Variants in TNIK observed in about 807,000 individuals in gnomAD.
TNIK encodes the protein TRAF2 and NCK interacting kinase.
A neutral mutation model predicts 191.3 loss-of-function variants in TNIK; 49 were observed. The ratio of observed to expected loss-of-function variants is 0.26; its 90% CI spans 0.20 to 0.32. TNIK has a LOEUF of 0.32. TNIK is among the 10% of genes least tolerant of loss of function. The probability of loss-of-function intolerance (pLI) is 1.00; values close to 1 mark genes in which losing one functional copy is unlikely to be tolerated. For synonymous variants in TNIK, 594 were observed against 600.9 expected (o/e 0.99, Z 0.17); for missense variants, 1,155 against 1,702.3 (o/e 0.68, Z 5.66).
At chr3:171,250,377 A>G (rs1284593981) in intron 2 of TNIK, among the ~76,000 whole-genome samples, 1 of 152,222 alleles carries the variant, frequency 6.6e-6, no homozygotes, top group Non-Finnish European at 1.5e-5. Context: ...TAAAAATTCC[A>G]AGATGTAACC....
intron 29 of TNIK, among the ~76,000 whole-genome samples, chr3:171,070,341 G>A (rs1719020943): frequency 6.6e-6 from 1 of 152,118 alleles, no homozygotes; most frequent in Admixed American, 6.5e-5. Context: ...TGCCCTTCAT[G>A]AGAATGTGGC....
chr3:171,173,395 C>CA (rs57114753), intron 9 of TNIK, among the ~76,000 whole-genome samples: 4,432 of 120,592 alleles, frequency 0.037, 133 homozygotes, highest in African/African-American at 0.095. Flanking sequence ...GACTCCGTCT[C>CA]AAAAAAAAAA....
At chr3:171,386,428 T>C (rs903468243) in intron 1 of TNIK, among the ~76,000 whole-genome samples, 4 of 152,122 alleles carry the variant, frequency 2.6e-5, no homozygotes, top group Non-Finnish European at 5.9e-5. Context: ...AGTTTAAAAA[T>C]AAAACACAAA....
chr3:171,206,978 C>A (rs1205967517), intron 4 of TNIK, among the ~76,000 whole-genome samples: 1 of 152,072 alleles, frequency 6.6e-6, no homozygotes, highest in African/African-American at 2.4e-5. Flanking sequence ...AATAGCTGTT[C>A]TAGCTCAGGT....
At chr3:171,313,239 G>GCTTGCTTTCTTTCTTTCTTTCTTT (rs1754244392) in intron 2 of TNIK, among the ~76,000 whole-genome samples, 1 of 150,276 alleles carries the variant, frequency 6.7e-6, no homozygotes, top group African/African-American at 2.5e-5. Context: ...CCAACATTTA[G>GCTTGCTTTCTTTCTTTCTTTCTTT]CTTTCTTTCT....
chr3:171,403,629 A>G lies in TNIK; in HGVS notation c.58-33944T>C, dbSNP rs535153023. 5.1e-3 allele frequency among the ~76,000 whole-genome samples: 761 copies of G among 149,974 alleles called. 8 individuals carry two copies. The highest frequency in any genetic ancestry group is 0.016 in the African/African-American group (649 of 40,384). The stretch of plus-strand genomic sequence containing the variant: ...TCCGTATCAAAAAAAAAAAAAAAAA[A>G]AAAAGAAAAGAAAAGGGGGTGAATA... On this transcript the variant is annotated intron_variant, in intron 1 of 32. Coordinates refer to ENST00000436636, the MANE Select transcript of TNIK (RefSeq NM_015028.4).
intron 1 of TNIK, among the ~76,000 whole-genome samples, chr3:171,387,848 G>C (rs1448193735): frequency 6.6e-6 from 1 of 152,108 alleles, no homozygotes; most frequent in East Asian, 1.9e-4. Flanking sequence ...GTATCTTACA[G>C]GTGGGGATAG....
intron 29 of TNIK, among the ~76,000 whole-genome samples, chr3:171,070,927 T>C (rs965294211): frequency 6.6e-6 from 1 of 152,202 alleles, no homozygotes; most frequent in African/African-American, 2.4e-5. Context: ...ATAACAAATG[T>C]CATTGCATAA....
At chr3:171,241,102 C>A (rs1744927472) in intron 2 of TNIK, among the ~76,000 whole-genome samples, 2 of 151,406 alleles carry the variant, frequency 1.3e-5, no homozygotes, top group South Asian at 4.2e-4. Context: ...ACGATCTTGG[C>A]TCACCGCAAC....
chr3:171,328,813 T>G (rs1756098897), intron 2 of TNIK, among the ~76,000 whole-genome samples: 2 of 151,782 alleles, frequency 1.3e-5, no homozygotes, highest in African/African-American at 4.8e-5. Context: ...TCTAAGGGAG[T>G]CTCTCTGCCC....
At chr3:171,310,945 G>C (rs1236091764) in intron 2 of TNIK, among the ~76,000 whole-genome samples, 2 of 152,122 alleles carry the variant, frequency 1.3e-5, no homozygotes, top group Non-Finnish European at 1.5e-5. Flanking sequence ...GTGCTTCCCA[G>C]TTAATTCAGA....
intron 2 of TNIK, among the ~76,000 whole-genome samples, chr3:171,230,960 C>T (rs900204918): frequency 4.0e-5 from 6 of 150,674 alleles, no homozygotes; most frequent in African/African-American, 1.5e-4. Context: ...CTCTGCCTCC[C>T]GACTCCCCTC....
intron 2 of TNIK, among the ~76,000 whole-genome samples, chr3:171,340,709 T>C (rs1757424888): frequency 1.3e-5 from 2 of 152,212 alleles, no homozygotes; most frequent in South Asian, 4.1e-4. Context: ...CACAAATGCC[T>C]ATGGAGCAAG....
chr3:171,102,510 G>A (rs1180046877), intron 21 of TNIK, among the ~76,000 whole-genome samples: 2 of 152,114 alleles, frequency 1.3e-5, no homozygotes, highest in Non-Finnish European at 2.9e-5. Flanking sequence ...CATGCTTTCA[G>A]AGTAATGCAG....
intron 2 of TNIK, among the ~76,000 whole-genome samples, chr3:171,327,900 T>TAAAAAAAAAAAAAAAAAAAAA (rs71634497): frequency 8.8e-5 from 7 of 79,628 alleles, no homozygotes; most frequent in Non-Finnish European, 1.5e-4. Context: ...ACCTGGCTCA[T>TAAAAAAAAAAAAAAAAAAAAA]AAAAAAAAAA....
chr3:171,225,391 A>G (rs1742846150), intron 3 of TNIK: 1 of 291,354 alleles, frequency 3.4e-6, no homozygotes, highest in South Asian at 3.0e-5. Flanking sequence ...GTGGTTAAAT[A>G]ATCATCAATG....
chr3:171,240,201 G>A (rs1292542933), intron 2 of TNIK, among the ~76,000 whole-genome samples: 2 of 152,098 alleles, frequency 1.3e-5, no homozygotes, highest in Admixed American at 1.3e-4. Flanking sequence ...TCGTGAGACG[G>A]GTAAGCACAG....
At chr3:171,278,681 A>G (rs954128391) in intron 2 of TNIK, among the ~76,000 whole-genome samples, 3 of 152,184 alleles carry the variant, frequency 2.0e-5, no homozygotes, top group Non-Finnish European at 2.9e-5. Flanking sequence ...TATCCTCCCA[A>G]ATGACAAGGG....
At chr3:171,217,136 A>C (rs370440236) in intron 3 of TNIK, among the ~76,000 whole-genome samples, 16 of 152,134 alleles carry the variant, frequency 1.1e-4, no homozygotes, top group African/African-American at 3.9e-4. Flanking sequence ...TAGCAAAGAC[A>C]TGGAATCAAC....
Sources: allele counts gnomAD v4.1 joint callset (sites outside exome capture counted in the v4.1 genomes callset), GRCh38; gene constraint gnomAD v4.1.1; transcripts MANE v1.5; gene names NCBI Gene and HGNC (gene_info 2026-07-23, HGNC 2026-07-21).